TRAPPC9: variants seen among roughly 807,000 people sequenced by gnomAD.
TRAPPC9 encodes IKK2 binding protein.
In TRAPPC9, 83 loss-of-function variants were observed where a neutral mutation model predicts 124.0. That is an observed-to-expected ratio of 0.67 (90% CI 0.56 to 0.80). The LOEUF (loss-of-function observed/expected upper bound fraction) is 0.80. TRAPPC9 is among the 30% of genes least tolerant of loss of function. The pLI is 0.00. For synonymous variants in TRAPPC9, 638 were observed against 617.5 expected, an observed-to-expected ratio of 1.03 and a Z score of -0.49; for missense variants, 1,302 against 1,508.3, an observed-to-expected ratio of 0.86 and a Z score of 2.27.
chr8:140,037,793 C>T (rs182912034), intron 17 of TRAPPC9, among the ~76,000 whole-genome samples: 9 of 147,046 alleles, frequency 6.1e-5, no homozygotes, highest in South Asian at 2.2e-4. Flanking sequence ...GCACACCACA[C>T]GCACACCCAA....
chr8:140,226,187 A>G (rs977920855), intron 16 of TRAPPC9, among the ~76,000 whole-genome samples: 3 of 152,200 alleles, frequency 2.0e-5, no homozygotes, highest in Non-Finnish European at 4.4e-5. Flanking sequence ...GTGTATCCAG[A>G]GAACAAACAG....
intron 15 of TRAPPC9, among the ~76,000 whole-genome samples, chr8:140,259,031 C>T (rs960614097): frequency 2.6e-5 from 4 of 152,214 alleles, no homozygotes; most frequent in African/African-American, 4.8e-5. Flanking sequence ...GCCCACCCCG[C>T]GGAGGAAGCA....
At chr8:140,125,920 G>A (rs772607213) in intron 17 of TRAPPC9, among the ~76,000 whole-genome samples, 1 of 152,022 alleles carries the variant, frequency 6.6e-6, no homozygotes, top group Non-Finnish European at 1.5e-5. Flanking sequence ...AGCCCATTGA[G>A]AGGAGGGTTT....
chr8:140,431,217 G>A (rs534224552), intron 4 of TRAPPC9, among the ~76,000 whole-genome samples: 1 of 151,952 alleles, frequency 6.6e-6, no homozygotes, highest in Non-Finnish European at 1.5e-5. Flanking sequence ...AGCACTTTGG[G>A]AGGCCAAGGC....
intron 20 of TRAPPC9, among the ~76,000 whole-genome samples, chr8:139,905,708 T>C (rs889174789): frequency 6.6e-6 from 1 of 152,120 alleles, no homozygotes; most frequent in Non-Finnish European, 1.5e-5. Context: ...TGCTGTACAG[T>C]AGCTAACACA....
At position 140,216,934 on chromosome 8, in the gene TRAPPC9, T is replaced by C. The variant is rs1359781941; in HGVS notation, c.2556+4525A>G. On this transcript the variant is annotated intron_variant, in intron 17 of 22. Coordinates refer to ENST00000438773, the MANE Select transcript of TRAPPC9 (RefSeq NM_001160372.4). This position sits in a 1 kb window ranked among gnomAD's most constrained non-coding sequence, Gnocchi z 4.1. ...GAGTTCCATGAAGTCAAGACAGCCA[T>C]GATGCACCCTTGTTTCCCCATCACA... is the stretch of plus-strand genomic sequence containing the variant. Among the ~76,000 whole-genome samples, 1 of 152,182 alleles carries C rather than the reference T, an allele frequency of 6.6e-6. No individual in the cohort carries two copies. Among genetic ancestry groups the C allele is most frequent in the Non-Finnish European group, 1.5e-5 (1 of 68,030 alleles).
At chr8:140,310,939 C>T (rs1474173500) in intron 10 of TRAPPC9, among the ~76,000 whole-genome samples, 6 of 151,956 alleles carry the variant, frequency 3.9e-5, no homozygotes, top group Non-Finnish European at 5.9e-5. Flanking sequence ...TGTGATCAGA[C>T]TGGTTTCCAC....
In TRAPPC9 at chr8:140,001,931, AAATC is replaced by A. The variant is rs575894759; in HGVS notation, c.2700-13099_2700-13096del. 1.0e-3 allele frequency among the ~76,000 whole-genome samples: 154 copies of A among 152,328 alleles called. 1 individual carries two copies. The highest frequency in any genetic ancestry group is 3.6e-3 in the African/African-American group (148 of 41,574). On this transcript the variant is annotated intron_variant, in intron 18 of 22. Transcript: ENST00000438773. Reference sequence around the variant, plus strand: ...TTAAATAGGTAGCCTGAAAAGTCCTAAATCAATTAAATAAATTAAACATATTGTT... The same window carrying A: ...TTAAATAGGTAGCCTGAAAAGTCCTAAATTAAATAAATTAAACATATTGTT...
intron 17 of TRAPPC9, among the ~76,000 whole-genome samples, chr8:140,116,888 AG>A (rs2060898823): frequency 6.6e-6 from 1 of 151,188 alleles, no homozygotes; most frequent in Admixed American, 6.6e-5. Context: ...GGCGGAGTTC[AG>A]TGAGTAGGCG....
In TRAPPC9 at chr8:140,186,875, T is replaced by C. The variant is rs889905836; in HGVS notation, c.2556+34584A>G. Reference sequence around the variant, plus strand: ...AACCCAACATTGCAAAATCTTTCCCTTTTTTTTGAATCAAGCAAATCAATA... The same window carrying C: ...AACCCAACATTGCAAAATCTTTCCCCTTTTTTTGAATCAAGCAAATCAATA... On this transcript the variant is annotated intron_variant, in intron 17 of 22. Transcript: ENST00000438773. Among the ~76,000 whole-genome samples, 26 of 152,022 alleles carry C rather than the reference T, an allele frequency of 1.7e-4. 1 individual carries two copies. The South Asian group carries it at 2.5e-3, about 15-fold the overall frequency.
intron 9 of TRAPPC9, among the ~76,000 whole-genome samples, chr8:140,331,007 C>T (rs1428412708): frequency 6.6e-6 from 1 of 151,942 alleles, no homozygotes; most frequent in African/African-American, 2.4e-5. Flanking sequence ...CCTCAAATAG[C>T]TAAGGCAATC....
chr8:140,160,564 A>G (rs2061730367), intron 17 of TRAPPC9, among the ~76,000 whole-genome samples: 1 of 145,294 alleles, frequency 6.9e-6, no homozygotes, highest in Non-Finnish European at 1.5e-5. Flanking sequence ...CAAACACCGC[A>G]TGTTCTCACT....
In TRAPPC9 at chr8:139,748,629, C is replaced by T. The variant is rs896697746; in HGVS notation, c.3056-16427G>A. Among the ~76,000 whole-genome samples, 5 of 151,038 alleles carry T rather than the reference C, an allele frequency of 3.3e-5. No individual in the cohort carries two copies. The East Asian group carries it at 7.7e-4, about 23-fold the overall frequency. ...AGGGGCTGCAGCTGGTTTTCTGTGCCGGGCCTTGCATAGGCTGCTTGTTGG... is the reference window on the plus strand; with the variant it reads ...AGGGGCTGCAGCTGGTTTTCTGTGCTGGGCCTTGCATAGGCTGCTTGTTGG... On this transcript the variant is annotated intron_variant, in intron 21 of 22. Coordinates refer to ENST00000438773, the MANE Select transcript of TRAPPC9 (RefSeq NM_001160372.4).
chr8:140,304,762 C>T (rs1360813488), intron 10 of TRAPPC9, among the ~76,000 whole-genome samples: 1 of 152,192 alleles, frequency 6.6e-6, no homozygotes, highest in Non-Finnish European at 1.5e-5. Context: ...TGCCCAACTC[C>T]TGCCAAAAGC....
chr8:139,942,157 G>A (rs1048386476), intron 19 of TRAPPC9, among the ~76,000 whole-genome samples: 7 of 152,146 alleles, frequency 4.6e-5, no homozygotes, highest in African/African-American at 1.4e-4. Flanking sequence ...ACGGTGACTC[G>A]GGATGGTAAT....
chr8:139,852,096 A>T (rs1315944147), intron 21 of TRAPPC9, among the ~76,000 whole-genome samples: 1 of 152,200 alleles, frequency 6.6e-6, no homozygotes, highest in Non-Finnish European at 1.5e-5. Context: ...AGTACGTCTC[A>T]TGAGATCTGA....
chr8:139,849,150 A>G (rs1357833503), intron 21 of TRAPPC9, among the ~76,000 whole-genome samples: 1 of 152,202 alleles, frequency 6.6e-6, no homozygotes, highest in African/African-American at 2.4e-5. Flanking sequence ...AATTGCATTG[A>G]GCCTTCGTCT....
At chr8:140,162,629 G>A (rs1325450688) in intron 17 of TRAPPC9, among the ~76,000 whole-genome samples, 3 of 152,206 alleles carry the variant, frequency 2.0e-5, no homozygotes, top group Admixed American at 1.3e-4. Flanking sequence ...AGCTCTGTGA[G>A]GTGGATGGTG....
chr8:139,790,105 G>A lies in TRAPPC9; in HGVS notation c.3056-57903C>T, dbSNP rs550255483. ...GTCCATGCATCTGCGGAACATGCTC[G>A]CAGCACAATCTCTACATCAGGACAC... On this transcript the variant is annotated intron_variant, in intron 21 of 22. Transcript: ENST00000438773. 7.2e-5 allele frequency among the ~76,000 whole-genome samples: 11 copies of A among 152,328 alleles called. No individual in the cohort carries two copies. The East Asian group carries it at 1.9e-3, about 27-fold the overall frequency.
Sources: allele counts gnomAD v4.1 joint callset (sites outside exome capture counted in the v4.1 genomes callset), GRCh38; gene constraint gnomAD v4.1.1; non-coding constraint Gnocchi (gnomAD v3.1); transcripts MANE v1.5; gene names NCBI Gene and HGNC (gene_info 2026-07-23, HGNC 2026-07-21).